The following PPP1R1C variants were observed in gnomAD, a reference collection of about 807,000 sequenced individuals.
The protein encoded by PPP1R1C is protein phosphatase 1 regulatory inhibitor subunit 1C.
Under a neutral mutation model 17.4 loss-of-function variants are expected in PPP1R1C, and 15 were observed. That is an observed-to-expected ratio of 0.86 (90% CI 0.58 to 1.33). The LOEUF is 1.33. PPP1R1C is among the 40% of genes most tolerant of loss of function. The probability of loss-of-function intolerance (pLI) is 0.00; values close to 1 mark genes in which losing one functional copy is unlikely to be tolerated. For missense variants in PPP1R1C, 143 were observed against 130.0 expected, an observed-to-expected ratio of 1.10 and a Z score of -0.48; for synonymous variants, 35 against 43.1, an observed-to-expected ratio of 0.81 and a Z score of 0.73.
At position 182,026,691 on chromosome 2, in the gene PPP1R1C, G is replaced by C. The variant is rs188843043; in HGVS notation, c.143-34751G>C. ...TGGCTTAGGATTGACTTGGCAATGC[G>C]GGCTCTTTTTTGGCTCCATATGAAC... is the stretch of plus-strand genomic sequence containing the variant. On this transcript the variant is annotated intron_variant, in intron 2 of 4. Coordinates refer to ENST00000682840, the MANE Select transcript of PPP1R1C (RefSeq NM_001080545.3). Among the ~76,000 whole-genome samples the C allele has an allele frequency of 3.3e-3, 502 of 152,126 alleles. 4 individuals are homozygous for C. The highest frequency in any genetic ancestry group is 0.011 in the African/African-American group (466 of 41,470).
At chr2:182,036,867 T>A (rs1051329943) in intron 2 of PPP1R1C, among the ~76,000 whole-genome samples, 6 of 152,204 alleles carry the variant, frequency 3.9e-5, no homozygotes, top group African/African-American at 1.4e-4. Context: ...ACTAGAAGCC[T>A]GGATTTTTAT....
Position 182,117,285 on chromosome 2 carries a change from G to A in PPP1R1C, c.320G>A (p.Arg107Gln), listed in dbSNP as rs768049964. The A allele has an allele frequency of 1.5e-5, 24 of 1,556,488 alleles. No homozygotes were observed. The South Asian group carries it at 2.0e-4, about 13-fold the overall frequency. The stretch of plus-strand genomic sequence containing the variant: ...GGCACCAATGAAAGAGAGGAGCAGC[G>A]GGACCATTAATTACTGGTCTGCAGC... ...EEGTNEREEQRDH is the reference protein window; with the variant it reads ...EEGTNEREEQQDH The change falls in exon 5 of 5, where the codon CGG becomes CAG. Residue 107 changes from arginine to glutamine, a missense_variant. By Grantham distance (43) the Arg-to-Gln change is conservative. Transcript: ENST00000682840.
At chr2:182,073,288 A>G (rs551478365) in intron 4 of PPP1R1C, among the ~76,000 whole-genome samples, 2 of 152,258 alleles carry the variant, frequency 1.3e-5, no homozygotes, top group Non-Finnish European at 2.9e-5. Flanking sequence ...TTTGTCTTCC[A>G]GGAGCATTCT....
At chr2:182,111,214 G>A (rs1464223710) in intron 4 of PPP1R1C, among the ~76,000 whole-genome samples, 1 of 151,984 alleles carries the variant, frequency 6.6e-6, no homozygotes, top group Non-Finnish European at 1.5e-5. Flanking sequence ...TAACAGTTTT[G>A]GTAAAATATA....
rs943985915 is a variant in PPP1R1C, at chr2:182,109,865, G to A, written c.242-7342G>A. Among the ~76,000 whole-genome samples the A allele has an allele frequency of 8.5e-5, 13 of 152,250 alleles. No homozygotes were observed. In the South Asian group the frequency reaches 1.0e-3, roughly 12 times the overall value. On this transcript the variant is annotated intron_variant, in intron 4 of 4. Transcript: ENST00000682840. The stretch of plus-strand genomic sequence containing the variant: ...ACTGGGCATGTTCACAAATTATCTC[G>A]TTGATGATGACTGAGAGTCAGTTGA...
chr2:182,084,952 G>A (rs947779948), intron 4 of PPP1R1C, among the ~76,000 whole-genome samples: 10 of 151,850 alleles, frequency 6.6e-5, no homozygotes, highest in African/African-American at 2.4e-4. Flanking sequence ...TATAGTTCTT[G>A]TAGAGATCTT....
intron 4 of PPP1R1C, among the ~76,000 whole-genome samples, chr2:182,072,530 G>T (rs371048983): frequency 2.6e-5 from 4 of 152,226 alleles, no homozygotes; most frequent in South Asian, 2.1e-4. Context: ...AGAGGAGCAG[G>T]GTTCCCATGT....
chr2:182,106,619 A>G (rs928787685), intron 4 of PPP1R1C, among the ~76,000 whole-genome samples: 5 of 152,068 alleles, frequency 3.3e-5, no homozygotes, highest in Admixed American at 6.6e-5. Flanking sequence ...ATGTGATCCA[A>G]TTTTTTTCTT....
intron 4 of PPP1R1C, among the ~76,000 whole-genome samples, chr2:182,081,079 T>C (rs1326620179): frequency 6.6e-6 from 1 of 152,228 alleles, no homozygotes; most frequent in Non-Finnish European, 1.5e-5. Context: ...TTAACTTCAT[T>C]TAAAGCATAT....
chr2:181,971,594 C>T (rs1344760829), intron 1 of PPP1R1C, among the ~76,000 whole-genome samples: 1 of 152,086 alleles, frequency 6.6e-6, no homozygotes, highest in Non-Finnish European at 1.5e-5. Flanking sequence ...GGTCACGTTC[C>T]CTGCAAGTCC....
At chr2:182,077,106 C>T (rs891613489) in intron 4 of PPP1R1C, among the ~76,000 whole-genome samples, 2 of 152,132 alleles carry the variant, frequency 1.3e-5, no homozygotes, top group South Asian at 2.1e-4. Flanking sequence ...AAAATTACTA[C>T]GTGAATACTC....
At chr2:181,958,324 C>A (rs1684703996) in intron 1 of PPP1R1C, among the ~76,000 whole-genome samples, 2 of 152,154 alleles carry the variant, frequency 1.3e-5, no homozygotes, top group Admixed American at 1.3e-4. Flanking sequence ...CTGTGGTGGC[C>A]ATAAACTCCC....
At chr2:182,040,505 A>AT (rs1176444155) in intron 2 of PPP1R1C, among the ~76,000 whole-genome samples, 1 of 151,130 alleles carries the variant, frequency 6.6e-6, no homozygotes, top group Non-Finnish European at 1.5e-5. Flanking sequence ...GGGATTATTT[A>AT]TTTTTTTTCT....
intron 2 of PPP1R1C, among the ~76,000 whole-genome samples, chr2:182,008,625 T>C (rs1686000932): frequency 6.6e-6 from 1 of 152,188 alleles, no homozygotes; most frequent in South Asian, 2.1e-4. Flanking sequence ...CACATTAGGG[T>C]TAGTAAGGTA....
chr2:182,073,082 G>T (rs1457155743), intron 4 of PPP1R1C, among the ~76,000 whole-genome samples: 7 of 144,866 alleles, frequency 4.8e-5, no homozygotes, highest in African/African-American at 1.3e-4. Flanking sequence ...ATAATACGTG[G>T]TTTCTGGCCT....
At chr2:182,046,981 T>A (rs1214729698) in intron 2 of PPP1R1C, among the ~76,000 whole-genome samples, 2 of 152,226 alleles carry the variant, frequency 1.3e-5, no homozygotes. Flanking sequence ...AAAACGTTTC[T>A]GTGAAGTAAA....
intron 4 of PPP1R1C, among the ~76,000 whole-genome samples, chr2:182,105,467 A>G (rs1424092594): frequency 2.1e-5 from 3 of 143,310 alleles, no homozygotes; most frequent in Admixed American, 2.1e-4. Context: ...TAGGTTTGTC[A>G]GATGAGTACC....
At chr2:182,033,662 A>G (rs1056394364) in intron 2 of PPP1R1C, among the ~76,000 whole-genome samples, 1 of 152,102 alleles carries the variant, frequency 6.6e-6, no homozygotes, top group Non-Finnish European at 1.5e-5. Flanking sequence ...CCTTGTGCCA[A>G]CTTTGCCGTT....
At chr2:182,127,013 T>A (rs1043892190) in intron 5 of PPP1R1C, among the ~76,000 whole-genome samples, 1 of 152,106 alleles carries the variant, frequency 6.6e-6, no homozygotes, top group Non-Finnish European at 1.5e-5. Context: ...ACAATGAAGC[T>A]AATTCGAAGG....
Sources: allele counts gnomAD v4.1 joint callset (sites outside exome capture counted in the v4.1 genomes callset), GRCh38; gene constraint gnomAD v4.1.1; transcripts MANE v1.5; gene names NCBI Gene and HGNC (gene_info 2026-07-23, HGNC 2026-07-21).